The following CDK14 variants were observed in gnomAD, a reference collection of about 807,000 sequenced individuals.
CDK14 encodes cyclin-dependent kinase 14.
Under a neutral mutation model 60.7 loss-of-function variants are expected in CDK14, and 34 were observed. That is an observed-to-expected ratio of 0.56 (90% CI 0.43 to 0.75). CDK14 has a LOEUF of 0.75. CDK14 is among the 30% of genes least tolerant of loss of function. CDK14 has a pLI of 0.00. For synonymous variants in CDK14, 197 were observed against 203.7 expected (o/e 0.97, Z 0.28); for missense variants, 482 against 564.1 (o/e 0.85, Z 1.47).
chr7:91,055,891 A>T (rs1462112004), intron 11 of CDK14, among the ~76,000 whole-genome samples: 6 of 152,202 alleles, frequency 3.9e-5, no homozygotes, highest in African/African-American at 1.4e-4. Flanking sequence ...TACCAGTGGC[A>T]TTTCCATAAA....
chr7:91,141,195 G>T (rs1800446165), intron 14 of CDK14, among the ~76,000 whole-genome samples: 1 of 152,230 alleles, frequency 6.6e-6, no homozygotes, highest in Non-Finnish European at 1.5e-5. Flanking sequence ...TTGAGGAAGT[G>T]TAAGTTTCAT....
At chr7:91,039,525 C>T (rs551607548) in intron 10 of CDK14, among the ~76,000 whole-genome samples, 1 of 152,322 alleles carries the variant, frequency 6.6e-6, no homozygotes, top group African/African-American at 2.4e-5. Flanking sequence ...TTTCCAGAGA[C>T]CACTGCTGTT....
chr7:90,709,374 A>G lies in CDK14; in HGVS notation c.124-17193A>G, dbSNP rs551534402. ...ACTGGCTTTCTCCAGTGCTCTTAAA[A>G]AATTGAATTGAGCATGATGAGGTGC... On this transcript the variant is annotated intron_variant, in intron 2 of 14. Transcript: ENST00000380050. The G allele has an allele frequency of 8.0e-6, 11 of 1,366,624 alleles. No individual in the cohort carries two copies. The Admixed American group carries it at 1.7e-4, about 22-fold the overall frequency. 84.7% of individuals were successfully genotyped at this position (1,366,624 alleles called of 1,614,324 possible).
At chr7:90,782,002 T>G (rs1425866624) in intron 4 of CDK14, among the ~76,000 whole-genome samples, 2 of 152,226 alleles carry the variant, frequency 1.3e-5, no homozygotes, top group Non-Finnish European at 2.9e-5. Context: ...ATAAATTACC[T>G]TGGGCAGTAT....
intron 2 of CDK14, among the ~76,000 whole-genome samples, chr7:90,674,633 T>A (rs1313011693): frequency 6.6e-6 from 1 of 152,248 alleles, no homozygotes; most frequent in African/African-American, 2.4e-5. Flanking sequence ...GATTCCCTTT[T>A]CAGAGGGCTG....
chr7:91,063,023 A>G (rs903259240), intron 11 of CDK14, among the ~76,000 whole-genome samples: 1 of 152,204 alleles, frequency 6.6e-6, no homozygotes, highest in Non-Finnish European at 1.5e-5. Context: ...TGTTTGTGTC[A>G]TTACCACTGT....
At chr7:91,020,980 C>T (rs926136914) in intron 10 of CDK14, among the ~76,000 whole-genome samples, 2 of 152,170 alleles carry the variant, frequency 1.3e-5, no homozygotes, top group Non-Finnish European at 2.9e-5. Context: ...CTGTCAGCTA[C>T]AGGCTGTTCT....
intron 14 of CDK14, among the ~76,000 whole-genome samples, chr7:91,194,614 C>T (rs1280744123): frequency 6.6e-6 from 1 of 151,762 alleles, no homozygotes; most frequent in African/African-American, 2.4e-5. Context: ...CAGAGGGCCA[C>T]GAGACATGAT....
intron 6 of CDK14, among the ~76,000 whole-genome samples, chr7:90,885,547 C>T (rs1178564016): frequency 6.6e-6 from 1 of 152,168 alleles, no homozygotes; most frequent in East Asian, 1.9e-4. Flanking sequence ...CCATTTGACT[C>T]AGCAATCCCA....
intron 14 of CDK14, among the ~76,000 whole-genome samples, chr7:91,194,265 T>C (rs576320655): frequency 1.3e-5 from 2 of 152,160 alleles, no homozygotes; most frequent in African/African-American, 2.4e-5. Flanking sequence ...TTATATAAAT[T>C]CTAGCACTAA....
At chr7:91,183,722 C>T (rs918226588) in intron 14 of CDK14, among the ~76,000 whole-genome samples, 12 of 152,210 alleles carry the variant, frequency 7.9e-5, no homozygotes, top group Middle Eastern at 6.3e-3. Flanking sequence ...CTAAGCTCCT[C>T]TGTTTTAATT....
chr7:91,033,744 C>A (rs1400793205), intron 10 of CDK14, among the ~76,000 whole-genome samples: 1 of 152,214 alleles, frequency 6.6e-6, no homozygotes, highest in African/African-American at 2.4e-5. Context: ...CCAGCCTCTG[C>A]AGCTTCCACC....
chr7:90,690,577 A>G (rs1801532884), intron 2 of CDK14, among the ~76,000 whole-genome samples: 1 of 152,108 alleles, frequency 6.6e-6, no homozygotes, highest in African/African-American at 2.4e-5. Context: ...AATTTATTTC[A>G]TCTTAGCAGG....
intron 2 of CDK14, among the ~76,000 whole-genome samples, chr7:90,624,782 G>A (rs888953536): frequency 1.3e-5 from 2 of 152,194 alleles, no homozygotes; most frequent in South Asian, 2.1e-4. Context: ...GAGCTTCAGC[G>A]TCCTCATCTG....
chr7:91,115,200 G>C (rs774283910), intron 13 of CDK14, among the ~76,000 whole-genome samples: 15 of 152,166 alleles, frequency 9.9e-5, no homozygotes, highest in Non-Finnish European at 1.6e-4. Context: ...CGCTGTCTTA[G>C]TTTGGTCACA....
chr7:90,942,600 A>G (rs1793968852), intron 8 of CDK14, among the ~76,000 whole-genome samples: 1 of 152,142 alleles, frequency 6.6e-6, no homozygotes, highest in African/African-American at 2.4e-5. Context: ...CCCTTTCTTC[A>G]GTTCTCTGAG....
intron 9 of CDK14, among the ~76,000 whole-genome samples, chr7:90,983,386 T>C (rs532414166): frequency 7.9e-4 from 120 of 152,022 alleles, no homozygotes; most frequent in Admixed American, 2.2e-3. Context: ...AAAAAAAGAA[T>C]GAAATAGTAT....
At chr7:90,609,530 G>A (rs545518723) in intron 2 of CDK14, among the ~76,000 whole-genome samples, 3 of 152,234 alleles carry the variant, frequency 2.0e-5, no homozygotes, top group African/African-American at 7.2e-5. Context: ...TTAAAAGTGT[G>A]TAGCACCTCC....
intron 10 of CDK14, among the ~76,000 whole-genome samples, chr7:91,024,123 GAT>G (rs1796506333): frequency 6.7e-6 from 1 of 148,536 alleles, no homozygotes; most frequent in Non-Finnish European, 1.5e-5. Flanking sequence ...TGATGATGAT[GAT>G]GATGATGATG....
Sources: allele counts gnomAD v4.1 joint callset (sites outside exome capture counted in the v4.1 genomes callset), GRCh38; gene constraint gnomAD v4.1.1; transcripts MANE v1.5; gene names NCBI Gene and HGNC (gene_info 2026-07-23, HGNC 2026-07-21).